The following PARG variants were observed in gnomAD, a reference collection of about 807,000 sequenced individuals.
PARG encodes mitochondrial poly(ADP-ribose) glycohydrolase.
In PARG, 35 loss-of-function variants were observed where a neutral mutation model predicts 113.0. That is an observed-to-expected ratio of 0.31 (90% CI 0.24 to 0.41). PARG has a LOEUF of 0.41. PARG is among the 10% of genes least tolerant of loss of function. The pLI, the probability that PARG is intolerant of heterozygous loss-of-function variation, is 1.00. For missense variants in PARG, 797 were observed against 1,169.4 expected (o/e 0.68, Z 4.64); for synonymous variants, 330 against 409.9 (o/e 0.81, Z 2.36).
At chr10:49,863,137 T>C (rs1335480811) in intron 11 of PARG, among the ~76,000 whole-genome samples, 1 of 149,612 alleles carries the variant, frequency 6.7e-6, no homozygotes, top group Non-Finnish European at 1.5e-5. Flanking sequence ...GTCAGAGACG[T>C]AGATGATTCT....
chr10:49,831,710 G>C (rs943555001), intron 16 of PARG, among the ~76,000 whole-genome samples: 1 of 152,164 alleles, frequency 6.6e-6, no homozygotes, highest in Non-Finnish European at 1.5e-5. Context: ...GACACTAAGG[G>C]GAAGGGTTGT....
At chr10:49,835,815 A>G (rs540994997) in intron 15 of PARG, among the ~76,000 whole-genome samples, 1 of 152,092 alleles carries the variant, frequency 6.6e-6, no homozygotes, top group Non-Finnish European at 1.5e-5. Context: ...ATAGACAGTT[A>G]CGTGCCGCAT....
chr10:49,881,807 C>T (rs1554839523), intron 8 of PARG, among the ~76,000 whole-genome samples: 1 of 152,164 alleles, frequency 6.6e-6, no homozygotes, highest in Admixed American at 6.5e-5. Flanking sequence ...AGAATATTTT[C>T]ACTATGTTAT....
In PARG at chr10:49,894,466, G is replaced by A. The variant is rs546636529; in HGVS notation, c.1738-9171C>T. Reference sequence around the variant, plus strand: ...CTGTAGGTCCTAGGAAATCTTTGTCGACTCCCAAGCTACAAAGATGTTTTC... The same window carrying A: ...CTGTAGGTCCTAGGAAATCTTTGTCAACTCCCAAGCTACAAAGATGTTTTC... On this transcript the variant is annotated intron_variant, in intron 7 of 17. Coordinates refer to ENST00000616448, the MANE Select transcript of PARG (RefSeq NM_003631.5). Among the ~76,000 whole-genome samples, 94 of 152,046 alleles carry A rather than the reference G, an allele frequency of 6.2e-4. 1 individual carries two copies. The highest frequency in any genetic ancestry group is 2.2e-3 in the African/African-American group (90 of 41,458).
chr10:49,848,143 G>A (rs1193504511), intron 13 of PARG, among the ~76,000 whole-genome samples: 2 of 150,116 alleles, frequency 1.3e-5, no homozygotes, highest in East Asian at 3.9e-4. Context: ...AAGGTCAAGA[G>A]ATCGAGACCA....
intron 4 of PARG, 91 bp downstream of exon 4, chr10:49,932,009 T>C (rs1467530077): frequency 8.0e-6 from 6 of 752,466 alleles, no homozygotes; most frequent in Non-Finnish European, 1.1e-5. Flanking sequence ...AGAAGAACTT[T>C]CTAAGCCTTG....
In PARG at chr10:49,933,646, A is replaced by G; in HGVS notation, c.802T>C (p.Ser268Pro). 1 of 1,609,950 alleles carries G rather than the reference A, an allele frequency of 6.2e-7. No individual in the cohort carries two copies. Among genetic ancestry groups the G allele is most frequent in the Non-Finnish European group, 8.5e-7 (1 of 1,176,246 alleles). ...VPESPLSDVG[S>P]EDVGTGPKND... ...TTTGGCCCAGTACCAACATCCTCAGAGCCAACATCTGACAATGGACTCTCT... is the reference window on the plus strand; with the variant it reads ...TTTGGCCCAGTACCAACATCCTCAGGGCCAACATCTGACAATGGACTCTCT... Residue 268 changes from serine (S) to proline (P), a missense_variant, in exon 3 of 18, where the codon TCT becomes CCT. Ser to Pro is a moderately conservative substitution (Grantham distance 74). Transcript: ENST00000616448.
chr10:49,829,122 G>A (rs889679085), intron 16 of PARG, among the ~76,000 whole-genome samples: 5 of 151,984 alleles, frequency 3.3e-5, no homozygotes, highest in Admixed American at 1.3e-4. Context: ...TGTAATCCCA[G>A]CCACTCGGGA....
At chr10:49,905,191 T>C (rs1848524256) in intron 7 of PARG, among the ~76,000 whole-genome samples, 1 of 152,302 alleles carries the variant, frequency 6.6e-6, no homozygotes, top group African/African-American at 2.4e-5. Context: ...GAATTTACCT[T>C]TTAGATGTCC....
intron 16 of PARG, among the ~76,000 whole-genome samples, chr10:49,832,044 T>C (rs782698549): frequency 6.6e-6 from 1 of 152,208 alleles, no homozygotes; most frequent in Non-Finnish European, 1.5e-5. Flanking sequence ...GTCAGACCAG[T>C]TGGGATGAAA....
chr10:49,884,262 A>G (rs1554840001), intron 8 of PARG, among the ~76,000 whole-genome samples: 6 of 152,220 alleles, frequency 3.9e-5, no homozygotes, highest in African/African-American at 1.4e-4. Context: ...GTTATGTAGC[A>G]ATATATAATT....
intron 15 of PARG, among the ~76,000 whole-genome samples, chr10:49,839,017 T>A (rs574621208): frequency 5.3e-5 from 8 of 152,262 alleles, no homozygotes; most frequent in Non-Finnish European, 1.0e-4. Context: ...AATATTTACC[T>A]CAAAAACCTA....
chr10:49,839,733 G>T (rs1845131485), intron 15 of PARG, among the ~76,000 whole-genome samples: 1 of 152,226 alleles, frequency 6.6e-6, no homozygotes, highest in African/African-American at 2.4e-5. Context: ...ACTTCTAAAA[G>T]TGAATGATCT....
chr10:49,874,224 T>C (rs1846835929), intron 9 of PARG, among the ~76,000 whole-genome samples: 2 of 151,398 alleles, frequency 1.3e-5, no homozygotes, highest in Non-Finnish European at 2.9e-5. Flanking sequence ...CTAATTCATA[T>C]GGTTAATGTG....
At chr10:49,892,168 T>C (rs1554841717) in intron 7 of PARG, among the ~76,000 whole-genome samples, 1 of 152,090 alleles carries the variant, frequency 6.6e-6, no homozygotes. Flanking sequence ...GTTGCTCAAT[T>C]TCGTATTTTT....
At chr10:49,922,483 A>C in intron 5 of PARG, 64 bp from the exon 6 acceptor site, 1 of 1,609,648 alleles carries the variant, frequency 6.2e-7, no homozygotes, top group Non-Finnish European at 8.5e-7. Flanking sequence ...ACAGAATCAA[A>C]GGTCAAACAA....
intron 7 of PARG, among the ~76,000 whole-genome samples, chr10:49,915,692 G>A (rs1190118749): frequency 2.6e-5 from 4 of 152,002 alleles, no homozygotes; most frequent in Non-Finnish European, 5.9e-5. Context: ...TGATAATGCT[G>A]ATAATGGTAT....
At chr10:49,843,951 C>T (rs1225873019) in intron 13 of PARG, among the ~76,000 whole-genome samples, 1 of 151,564 alleles carries the variant, frequency 6.6e-6, no homozygotes, top group Non-Finnish European at 1.5e-5. Flanking sequence ...TCAAGACCAG[C>T]CTGGCCAACA....
chr10:49,825,925 T>C (rs758177988), intron 16 of PARG, among the ~76,000 whole-genome samples: 49 of 152,236 alleles, frequency 3.2e-4, no homozygotes, highest in Non-Finnish European at 4.8e-4. Flanking sequence ...TCATCTGAAA[T>C]GTTTGGGACC....
Sources: gnomAD v4.1 joint callset for allele counts (sites outside exome capture counted in the v4.1 genomes callset) on GRCh38, gnomAD v4.1.1 for gene constraint, MANE v1.5 for transcripts, NCBI Gene and HGNC (gene_info 2026-07-23, HGNC 2026-07-21) for gene names.